Variants in LAMA4 observed in about 807,000 individuals in gnomAD.
LAMA4 encodes the protein laminin subunit alpha-4.
In LAMA4, 127 loss-of-function variants were observed where a neutral mutation model predicts 207.1. That is an observed-to-expected ratio of 0.61 (90% CI 0.53 to 0.71). LAMA4 has a LOEUF of 0.71. Ranked by LOEUF, LAMA4 falls within the 30% of genes least tolerant of loss-of-function variation. LAMA4 has a pLI of 0.00. For missense variants in LAMA4, 2,093 were observed against 2,246.5 expected (o/e 0.93, Z 1.38); for synonymous variants, 761 against 816.0 (o/e 0.93, Z 1.15).
At chr6:112,186,748 C>A (rs1782706052) in intron 8 of LAMA4, 1 of 448,366 alleles carries the variant, frequency 2.2e-6, no homozygotes, top group African/African-American at 2.0e-5. Context: ...TTAATTGTTG[C>A]ATTATTTTTT....
intron 2 of LAMA4, among the ~76,000 whole-genome samples, chr6:112,242,344 G>A (rs561855886): frequency 4.6e-5 from 7 of 152,242 alleles, no homozygotes; most frequent in African/African-American, 1.4e-4. Context: ...GGTAGTATGG[G>A]TGAGCTTGTG....
Position 112,140,861 on chromosome 6 carries a change from T to G in LAMA4, c.2875A>C (p.Lys959Gln). The G allele has an allele frequency of 6.2e-7, 1 of 1,613,986 alleles. No individual in the cohort carries two copies. The highest frequency in any genetic ancestry group is 8.5e-7 in the Non-Finnish European group (1 of 1,179,904). The change falls in exon 22 of 39, where the codon AAG (lysine) becomes CAG (glutamine). Residue 959 changes from lysine to glutamine, a missense_variant. Coordinates refer to ENST00000230538, the MANE Select transcript of LAMA4 (RefSeq NM_001105206.3). Reference protein sequence around the residue: ...VPSLSSTAEEKFIKKGEFSGD... With the variant: ...VPSLSSTAEEQFIKKGEFSGD... ...GAAAATTCCCCCTTTTTAATGAACT[T>G]TTCCTCTGCTGTGCTACTTAGACTC...
intron 12 of LAMA4, among the ~76,000 whole-genome samples, chr6:112,167,893 C>G (rs1471807539): frequency 2.3e-5 from 3 of 131,930 alleles, no homozygotes; most frequent in African/African-American, 2.9e-5. Flanking sequence ...CACACACACA[C>G]AGAGTTATGC....
intron 2 of LAMA4, among the ~76,000 whole-genome samples, chr6:112,222,282 C>CA (rs1249623511): frequency 3.3e-5 from 5 of 152,160 alleles, no homozygotes; most frequent in Non-Finnish European, 7.4e-5. Context: ...CACCATAACT[C>CA]AATTAGGAAA....
At chr6:112,228,687 C>T (rs1467094990) in intron 2 of LAMA4, among the ~76,000 whole-genome samples, 1 of 152,180 alleles carries the variant, frequency 6.6e-6, no homozygotes, top group Non-Finnish European at 1.5e-5. Flanking sequence ...AGCTTGCCGG[C>T]GGGAGCTGCC....
At chr6:112,176,160 C>CATAAGTCAGGTGGAGAATTTTAGA (rs1554343668) in intron 10 of LAMA4, among the ~76,000 whole-genome samples, 4 of 152,188 alleles carry the variant, frequency 2.6e-5, no homozygotes, top group Admixed American at 1.3e-4. Flanking sequence ...ATTTTCACCC[C>CATAAGTCAGGTGGAGAATTTTAGA]ACTTCCATAA....
In LAMA4 at chr6:112,129,091, A is replaced by G. The variant is rs782754916; in HGVS notation, c.4134-16T>C. ...TCTATCCACCCTGTGTTTGTAACAG[A>G]GGAAAAAATAAATATTAAAAATATT... On this transcript the variant is annotated splice_polypyrimidine_tract_variant and intron_variant, in intron 30 of 38. Transcript: ENST00000230538. The G allele has an allele frequency of 6.3e-7, 1 of 1,599,094 alleles. No individual in the cohort carries two copies. Among genetic ancestry groups the G allele is most frequent in the South Asian group, 1.1e-5 (1 of 90,454 alleles).
At chr6:112,162,416 G>T (rs1420155003) in intron 13 of LAMA4, among the ~76,000 whole-genome samples, 1 of 151,992 alleles carries the variant, frequency 6.6e-6, no homozygotes, top group Admixed American at 6.6e-5. Flanking sequence ...AGGTTGCAGT[G>T]AGCCGAGATC....
chr6:112,123,565 C>G (rs1481240120), intron 31 of LAMA4, among the ~76,000 whole-genome samples: 3 of 152,010 alleles, frequency 2.0e-5, no homozygotes, highest in African/African-American at 7.2e-5. Flanking sequence ...ATCCCCCCCA[C>G]AAAAAAATAG....
intron 25 of LAMA4, among the ~76,000 whole-genome samples, chr6:112,135,274 T>C (rs1279081272): frequency 2.6e-5 from 4 of 152,208 alleles, no homozygotes; most frequent in African/African-American, 9.6e-5. Flanking sequence ...CAGCAATTTC[T>C]TATTTCCCTA....
At chr6:112,245,435 G>A (rs1261587403) in intron 2 of LAMA4, among the ~76,000 whole-genome samples, 1 of 152,272 alleles carries the variant, frequency 6.6e-6, no homozygotes, top group African/African-American at 2.4e-5. Flanking sequence ...GGTTCAGCAT[G>A]CCATGTTGCA....
At chr6:112,212,473 C>T (rs1784405794) in intron 3 of LAMA4, among the ~76,000 whole-genome samples, 1 of 152,166 alleles carries the variant, frequency 6.6e-6, no homozygotes, top group Admixed American at 6.5e-5. Flanking sequence ...ATCCTCCCAC[C>T]TCGGCCTCCC....
rs3734289 is a variant in LAMA4 at position 112,114,070 on chromosome 6, A to G, written c.5326+6T>C. ...TGGGAACTTTTCCTTTTTAAACAAC[A>G]CTTACCTGGAACACCTCCAACAAAC... On this transcript the variant is annotated splice_donor_region_variant and intron_variant, in intron 38 of 38. Coordinates refer to ENST00000230538, the MANE Select transcript of LAMA4 (RefSeq NM_001105206.3). 8.7e-6 allele frequency: 14 copies of G among 1,612,940 alleles called. No homozygotes were observed. The South Asian group carries it at 1.4e-4, about 16-fold the overall frequency.
At chr6:112,134,428 AT>A (rs1393229545) in intron 26 of LAMA4, 38 bp downstream of exon 26, 2 of 1,609,724 alleles carry the variant, frequency 1.2e-6, no homozygotes, top group Non-Finnish European at 1.7e-6. Flanking sequence ...AGCCCAGTAC[AT>A]TGCTAGGAAC....
At chr6:112,244,527 A>C (rs1377490670) in intron 2 of LAMA4, among the ~76,000 whole-genome samples, 2 of 152,086 alleles carry the variant, frequency 1.3e-5, no homozygotes, top group Non-Finnish European at 2.9e-5. Flanking sequence ...TTATTCCTTT[A>C]CTTTCTTAAT....
intron 23 of LAMA4, 118 bp downstream of exon 23, chr6:112,139,634 G>C: frequency 1.6e-6 from 2 of 1,231,582 alleles, no homozygotes; most frequent in Non-Finnish European, 1.2e-6. Context: ...GACTTATGTA[G>C]TTTCAAAACT....
At chr6:112,246,010 C>G (rs9320402) in intron 2 of LAMA4, among the ~76,000 whole-genome samples, 39,072 of 152,052 alleles carry the variant, frequency 0.26, 5,982 homozygotes, top group East Asian at 0.46. Context: ...TAAAAAGACT[C>G]AGATTCAGAG....
intron 21 of LAMA4, 51 bp from the exon 22 acceptor site, chr6:112,140,973 C>A: frequency 6.6e-7 from 1 of 1,509,140 alleles, no homozygotes; most frequent in South Asian, 1.1e-5. Flanking sequence ...ATAGAAAATA[C>A]TTTTTAAATG....
Position 112,108,967 on chromosome 6 carries a change from C to A in LAMA4, c.*470G>T. The A allele has an allele frequency of 5.7e-6, 1 of 174,022 alleles. No individual in the cohort carries two copies. The highest frequency in any genetic ancestry group is 1.2e-5 in the Non-Finnish European group (1 of 80,692). The allele number at this position is 174,022 out of a possible 1,614,324, so 10.8% of individuals were successfully genotyped here. On this transcript the variant is annotated 3_prime_UTR_variant, in exon 39 of 39. Transcript: ENST00000230538. The stretch of plus-strand genomic sequence containing the variant: ...ATAGACCAAACAAAAGGGCTAAAAA[C>A]AAATCTATCATCTAATTTAGATTAT...
Sources: allele counts gnomAD v4.1 joint callset (sites outside exome capture counted in the v4.1 genomes callset), GRCh38; gene constraint gnomAD v4.1.1; transcripts MANE v1.5; gene names NCBI Gene and HGNC (gene_info 2026-07-23, HGNC 2026-07-21).